SAMD11: variants seen among roughly 807,000 people sequenced by gnomAD.
The protein encoded by SAMD11 is sterile alpha motif domain containing 11.
SAMD11 carries 77 observed loss-of-function variants against 64.4 expected under a neutral mutation model. That is an observed-to-expected ratio of 1.20 (90% CI 0.99 to 1.44). The LOEUF is 1.44. SAMD11 is among the 40% of genes most tolerant of loss of function. The pLI is 0.00. For synonymous variants in SAMD11, 658 were observed against 421.9 expected (o/e 1.56, Z -6.86); for missense variants, 1,402 against 943.3 (o/e 1.49, Z -6.37).
At chr1:943,597 A>C (rs1641958450) in intron 12 of SAMD11, 101 bp from the exon 13 acceptor site, 1 of 1,266,814 alleles carries the variant, frequency 7.9e-7, no homozygotes, top group East Asian at 2.8e-5. Context: ...CACTGTTTTT[A>C]AAAAATTTCC....
intron 4 of SAMD11, among the ~76,000 whole-genome samples, chr1:935,093 C>G (rs1641360129): frequency 6.6e-6 from 1 of 152,110 alleles, no homozygotes; most frequent in Non-Finnish European, 1.5e-5. Flanking sequence ...TCATTGCTCT[C>G]TGGGACTCTG....
At position 935,865 on chromosome 1, in the gene SAMD11, A is replaced by G; in HGVS notation, c.936A>G (p.Arg312=). The G allele has an allele frequency of 1.2e-6, 2 of 1,612,980 alleles. No homozygotes were observed. Among genetic ancestry groups the G allele is most frequent in the Non-Finnish European group, 1.7e-6 (2 of 1,179,818 alleles). The change falls in exon 5 of 14, where the codon AGA becomes AGG. Residue 312 remains arginine, a synonymous_variant. Coordinates refer to ENST00000616016, the MANE Select transcript of SAMD11 (RefSeq NM_001385641.1). ...PEHQSRCEFQ[R]GSLEIGLRPA... is the part of the protein sequence containing the mutation. Reference sequence around the variant, plus strand: ...ATCAGAGCCGCTGTGAATTCCAGAGAGGCAGCCTGGAGATTGGCCTGCGAC... The same window carrying G: ...ATCAGAGCCGCTGTGAATTCCAGAGGGGCAGCCTGGAGATTGGCCTGCGAC...
Position 944,524 on chromosome 1 carries a change from A to T in SAMD11, c.*371A>T. ...CAGCCACACCAGCCCAGCCCAGCCC[A>T]GCTCTCGATACGTTTGGTCTTTCAT... On this transcript the variant is annotated 3_prime_UTR_variant, in exon 14 of 14. Transcript: ENST00000616016. The T allele has an allele frequency of 1.6e-6, 1 of 624,174 alleles. No homozygotes were observed. 38.7% of individuals were successfully genotyped at this position (624,174 alleles called of 1,614,324 possible).
At chr1:938,479 G>T (rs28525584) in intron 5 of SAMD11, among the ~76,000 whole-genome samples, 11,868 of 152,246 alleles carry the variant, frequency 0.078, 1,517 homozygotes, top group African/African-American at 0.27. Flanking sequence ...AGAGGAGGAC[G>T]TGGGCCTTCT....
At chr1:931,765 C>T (rs576585994) in intron 4 of SAMD11, among the ~76,000 whole-genome samples, 3 of 152,226 alleles carry the variant, frequency 2.0e-5, no homozygotes, top group Admixed American at 6.5e-5. Flanking sequence ...GGAAGCAGGA[C>T]GGTAGGGGGT....
chr1:931,174 G>T, intron 4 of SAMD11, 85 bp downstream of exon 4: 1 of 1,241,900 alleles, frequency 8.1e-7, no homozygotes, highest in East Asian at 2.4e-5. Context: ...GCTGTCTGCT[G>T]TCCGCTGTCT....
At chr1:929,259 C>T (rs918625904) in intron 2 of SAMD11, among the ~76,000 whole-genome samples, 9 of 152,190 alleles carry the variant, frequency 5.9e-5, no homozygotes, top group African/African-American at 2.2e-4. Context: ...GGGACCACAG[C>T]GGGCGTGTCT....
At chr1:941,409 C>A in intron 8 of SAMD11, 103 bp downstream of exon 8, 1 of 1,200,062 alleles carries the variant, frequency 8.3e-7, no homozygotes, top group South Asian at 1.6e-5. Flanking sequence ...GCACTGTGTT[C>A]AGCTCTAGGT....
rs747660316 is a variant in SAMD11, at chr1:935,873, T to C, written c.944T>C (p.Leu315Pro). The change falls in exon 5 of 14, where the codon CTG (leucine) becomes CCG (proline). Residue 315 changes from leucine (L) to proline (P), a missense_variant. Coordinates refer to ENST00000616016, the MANE Select transcript of SAMD11 (RefSeq NM_001385641.1). ...CGCTGTGAATTCCAGAGAGGCAGCC[T>C]GGAGATTGGCCTGCGACCCGCCGGT... ...QSRCEFQRGS[L>P]EIGLRPAGDL... 10 of 1,612,582 alleles carry C rather than the reference T, an allele frequency of 6.2e-6. No individual in the cohort carries two copies. In the South Asian group the frequency reaches 6.6e-5, roughly 11 times the overall value.
chr1:933,470 G>A (rs1046670855), intron 4 of SAMD11, among the ~76,000 whole-genome samples: 22 of 152,140 alleles, frequency 1.4e-4, no homozygotes, highest in African/African-American at 2.4e-4. Flanking sequence ...CGCCAGGCTC[G>A]GGGCTCACTG....
Position 930,353 on chromosome 1 carries a change from C to G in SAMD11, c.791+17C>G. The G allele has an allele frequency of 1.3e-6, 2 of 1,587,972 alleles. No individual in the cohort carries two copies. The highest frequency in any genetic ancestry group is 1.8e-5 in the Admixed American group (1 of 56,648). The stretch of plus-strand genomic sequence containing the variant: ...GAAGAGAAGGTACTTGGACCAGGGC[C>G]GGACAGGAAGGCGCAAGGCTCAGAT... On this transcript the variant is annotated intron_variant, in intron 3 of 13. Coordinates refer to ENST00000616016, the MANE Select transcript of SAMD11 (RefSeq NM_001385641.1).
At chr1:939,621 A>G (rs879527293) in intron 7 of SAMD11, among the ~76,000 whole-genome samples, 14 of 152,000 alleles carry the variant, frequency 9.2e-5, no homozygotes, top group Non-Finnish European at 2.1e-4. Context: ...CCACACCTCC[A>G]TGTCCCCTAG....
rs1441580103 is a variant in SAMD11 at position 941,369 on chromosome 1, A to C, written c.1358+63A>C. On this transcript the variant is annotated intron_variant, in intron 8 of 13. Transcript: ENST00000616016. Reference sequence around the variant, plus strand: ...GTGCCGCCCGCACCCCCGCGCTCTCAGCCACCAGCACGCGCCCCGAGAGTG... The same window carrying C: ...GTGCCGCCCGCACCCCCGCGCTCTCCGCCACCAGCACGCGCCCCGAGAGTG... 6.3e-6 allele frequency: 9 copies of C among 1,418,350 alleles called. No individual in the cohort carries two copies. The East Asian group carries it at 1.8e-4, about 28-fold the overall frequency. 87.9% of individuals were successfully genotyped at this position (1,418,350 alleles called of 1,614,324 possible).
intron 12 of SAMD11, 118 bp downstream of exon 12, chr1:943,495 T>C (rs1641943621): frequency 1.0e-6 from 1 of 997,496 alleles, no homozygotes; most frequent in Admixed American, 2.6e-5. Flanking sequence ...CCAAAAGCAG[T>C]GCGCAGCAGG....
chr1:941,104 CGCATA>C, intron 7 of SAMD11, 35 bp from the exon 8 acceptor site: 1 of 1,539,000 alleles, frequency 6.5e-7, no homozygotes, highest in South Asian at 1.2e-5. Flanking sequence ...AGGATGAGGG[CGCATA>C]GCCGGGGGGA....
intron 5 of SAMD11, among the ~76,000 whole-genome samples, chr1:937,884 G>T (rs569139257): frequency 6.6e-6 from 1 of 152,234 alleles, no homozygotes; most frequent in Non-Finnish European, 1.5e-5. Flanking sequence ...CACTTCCCCA[G>T]CCTGATAAAA....
chr1:930,018 C>A, intron 2 of SAMD11, 137 bp from the exon 3 acceptor site: 1 of 1,056,070 alleles, frequency 9.5e-7, no homozygotes, highest in Non-Finnish European at 1.4e-6. Context: ...CTCTGCCGTG[C>A]TTGGGGCTCG....
Position 935,848 on chromosome 1 carries a change from C to A in SAMD11, c.919C>A (p.Arg307Ser), listed in dbSNP as rs142210309. Residue 307 changes from arginine to serine, a missense_variant, in exon 5 of 14, where the codon CGC becomes AGC. Transcript: ENST00000616016. ...CCTCGTTATGCCCGAGCATCAGAGCCGCTGTGAATTCCAGAGAGGCAGCCT... is the reference window on the plus strand; with the variant it reads ...CCTCGTTATGCCCGAGCATCAGAGCAGCTGTGAATTCCAGAGAGGCAGCCT... ...RHLVMPEHQS[R>S]CEFQRGSLEI... 6.2e-7 allele frequency: 1 copy of A among 1,613,302 alleles called. No homozygotes were observed. Among genetic ancestry groups the A allele is most frequent in the Non-Finnish European group, 8.5e-7 (1 of 1,179,858 alleles).
chr1:940,043 C>A (rs1223853349), intron 7 of SAMD11, among the ~76,000 whole-genome samples: 1 of 152,178 alleles, frequency 6.6e-6, no homozygotes, highest in Non-Finnish European at 1.5e-5. Context: ...AGCCGCCCGC[C>A]TGGCAGGGGA....
Sources: gnomAD v4.1 joint callset for allele counts (sites outside exome capture counted in the v4.1 genomes callset) on GRCh38, gnomAD v4.1.1 for gene constraint, MANE v1.5 for transcripts, NCBI Gene and HGNC (gene_info 2026-07-23, HGNC 2026-07-21) for gene names.